Variants in CYP2J2 observed in about 807,000 individuals in gnomAD.
CYP2J2 encodes the protein cytochrome P450 2J2.
In CYP2J2, 41 loss-of-function variants were observed where a neutral mutation model predicts 48.8. The observed-to-expected ratio is 0.84, with a 90% CI of 0.66 to 1.09. The LOEUF is 1.09. Ranked by LOEUF, CYP2J2 falls within the 50% of genes least tolerant of loss-of-function variation. The pLI is 0.00. For missense variants in CYP2J2, 644 were observed against 617.3 expected, an observed-to-expected ratio of 1.04 and a Z score of -0.46; for synonymous variants, 221 against 227.1, an observed-to-expected ratio of 0.97 and a Z score of 0.24.
chr1:59,923,280 C>T (rs1644533889), intron 1 of CYP2J2, among the ~76,000 whole-genome samples: 1 of 152,190 alleles, frequency 6.6e-6, no homozygotes, highest in African/African-American at 2.4e-5. Context: ...GCTTTATAAC[C>T]TGCATTGATA....
chr1:59,966,056 G>T, the CYP2J2 span, among the ~76,000 whole-genome samples: 1 of 152,150 alleles, frequency 6.6e-6, no homozygotes, highest in African/African-American at 2.4e-5. Context: ...GTGTGGCAGG[G>T]TTAATTTATT....
At chr1:59,896,521 G>T (rs1644271047) in intron 8 of CYP2J2, among the ~76,000 whole-genome samples, 1 of 151,320 alleles carries the variant, frequency 6.6e-6, no homozygotes, top group Non-Finnish European at 1.5e-5. Flanking sequence ...TTACTTATTG[G>T]ATCAGTATCC....
the CYP2J2 span, among the ~76,000 whole-genome samples, chr1:59,935,049 T>TAC: frequency 9.9e-6 from 1 of 100,724 alleles, no homozygotes; most frequent in Non-Finnish European, 2.0e-5. Context: ...TATATATATA[T>TAC]ATACACAACA....
chr1:59,946,325 T>G, the CYP2J2 span, among the ~76,000 whole-genome samples: 1 of 152,340 alleles, frequency 6.6e-6, no homozygotes, highest in South Asian at 2.1e-4. Flanking sequence ...AAGATAGCTG[T>G]ATGTCCTTTT....
the CYP2J2 span, among the ~76,000 whole-genome samples, chr1:59,963,910 T>C: frequency 6.6e-6 from 1 of 152,128 alleles, no homozygotes; most frequent in South Asian, 2.1e-4. Flanking sequence ...TTATACTCTG[T>C]GAGTAAAAAC....
intron 1 of CYP2J2, among the ~76,000 whole-genome samples, chr1:59,917,722 C>T (rs1478757768): frequency 6.6e-6 from 1 of 152,186 alleles, no homozygotes; most frequent in Non-Finnish European, 1.5e-5. Context: ...TGTATGGTCA[C>T]GAATCAAAAT....
Position 59,912,289 on chromosome 1 carries a change from C to T in CYP2J2, c.396G>A (p.Gln132=). The T allele has an allele frequency of 2.5e-6, 4 of 1,613,576 alleles. No homozygotes were observed. Among genetic ancestry groups the T allele is most frequent in the East Asian group, 2.2e-5 (1 of 44,876 alleles). ...KKNGLIMSSG[Q]AWKEQRRFTL... is the part of the protein sequence containing the mutation. ...TGAACCTTCTTTGCTCCTTCCATGC[C>T]TGGCCACTTGACATAATCAATCCTG... Residue 132 remains glutamine (Q), a synonymous_variant, in exon 3 of 9, where the codon CAG becomes CAA. Transcript: ENST00000371204.
intron 1 of CYP2J2, among the ~76,000 whole-genome samples, chr1:59,919,416 T>C (rs1367100418): frequency 6.6e-6 from 1 of 152,060 alleles, no homozygotes; most frequent in Non-Finnish European, 1.5e-5. Flanking sequence ...CCGCTGAGTG[T>C]ATGTGTGTGT....
At chr1:59,963,347 T>TC in the CYP2J2 span, among the ~76,000 whole-genome samples, 1 of 152,216 alleles carries the variant, frequency 6.6e-6, no homozygotes, top group Non-Finnish European at 1.5e-5. Context: ...AAGCCATAAC[T>TC]CCTTCATCTC....
At chr1:59,902,323 G>C (rs1011130280) in intron 7 of CYP2J2, among the ~76,000 whole-genome samples, 8 of 152,110 alleles carry the variant, frequency 5.3e-5, no homozygotes, top group Non-Finnish European at 8.8e-5. Flanking sequence ...TGCCAGACCT[G>C]AGCATTTCAG....
the CYP2J2 span, among the ~76,000 whole-genome samples, chr1:59,964,072 C>A: frequency 7.2e-5 from 11 of 152,102 alleles, no homozygotes; most frequent in Admixed American, 5.9e-4. Context: ...TTTTTGAAAA[C>A]ACAAGACCAG....
At chr1:59,918,634 G>GCA (rs1004951855) in intron 1 of CYP2J2, among the ~76,000 whole-genome samples, 2 of 150,448 alleles carry the variant, frequency 1.3e-5, no homozygotes, top group Non-Finnish European at 3.0e-5. Context: ...GTAAGGCAGG[G>GCA]CACACTTTTC....
At chr1:59,940,458 G>A in the CYP2J2 span, among the ~76,000 whole-genome samples, 2,537 of 152,208 alleles carry the variant, frequency 0.017, 35 homozygotes, top group Middle Eastern at 0.027. Flanking sequence ...ACTCTTAAGG[G>A]CTATTAAAAT....
intron 1 of CYP2J2, among the ~76,000 whole-genome samples, chr1:59,916,932 T>G (rs1375379639): frequency 3.9e-5 from 6 of 151,976 alleles, no homozygotes; most frequent in African/African-American, 1.4e-4. Flanking sequence ...TTTAACCAAA[T>G]GAGAATGCCC....
intron 1 of CYP2J2, among the ~76,000 whole-genome samples, chr1:59,922,522 G>A (rs1009868082): frequency 6.6e-6 from 1 of 152,166 alleles, no homozygotes; most frequent in African/African-American, 2.4e-5. Flanking sequence ...TGATGACAGT[G>A]TGATAAGAAA....
At chr1:59,947,276 C>T in the CYP2J2 span, among the ~76,000 whole-genome samples, 2 of 152,192 alleles carry the variant, frequency 1.3e-5, no homozygotes, top group Non-Finnish European at 2.9e-5. Context: ...GGAATGTCAT[C>T]TGTGTAGTTT....
chr1:59,943,392 A>C, the CYP2J2 span, among the ~76,000 whole-genome samples: 1 of 152,192 alleles, frequency 6.6e-6, no homozygotes, highest in Non-Finnish European at 1.5e-5. Flanking sequence ...ACTCGTCCTC[A>C]CCCCTGGTGA....
In CYP2J2 at chr1:59,904,931, G is replaced by A; in HGVS notation, c.1131C>T (p.Pro377=). 1.2e-6 allele frequency: 2 copies of A among 1,613,860 alleles called. No homozygotes were observed. Among genetic ancestry groups the A allele is most frequent in the African/African-American group, 1.3e-5 (1 of 75,002 alleles). ...CTGTCACTTCCCTGGGAACGTTCAGGGGGATGATGTTGCCCATTCTCTGCA... is the reference window on the plus strand; with the variant it reads ...CTGTCACTTCCCTGGGAACGTTCAGAGGGATGATGTTGCCCATTCTCTGCA... ...HEVQRMGNII[P]LNVPREVTVD... Residue 377 remains proline (P), a synonymous_variant, in exon 7 of 9, where the codon CCC becomes CCT. Transcript: ENST00000371204.
chr1:59,934,989 GAT>G, the CYP2J2 span, among the ~76,000 whole-genome samples: 379 of 58,344 alleles, frequency 6.5e-3, 3 homozygotes, highest in East Asian at 0.032. Context: ...AAGAAAATGG[GAT>G]ATATATATAT....
Sources: gnomAD v4.1 joint callset for allele counts (sites outside exome capture counted in the v4.1 genomes callset) on GRCh38, gnomAD v4.1.1 for gene constraint, MANE v1.5 for transcripts, NCBI Gene and HGNC (gene_info 2026-07-23, HGNC 2026-07-21) for gene names.